Variants in GRM7 observed in about 807,000 individuals in gnomAD.
The protein encoded by GRM7 is metabotropic glutamate receptor 7.
A neutral mutation model predicts 84.5 loss-of-function variants in GRM7; 35 were observed. The ratio of observed to expected loss-of-function variants is 0.41; its 90% confidence interval spans 0.32 to 0.55. The LOEUF is 0.55. Ranked by LOEUF, GRM7 falls within the 20% of genes least tolerant of loss-of-function variation. GRM7 has a pLI of 0.19. For missense variants in GRM7, 1,003 were observed against 1,194.6 expected (o/e 0.84, Z 2.36); for synonymous variants, 487 against 455.1 (o/e 1.07, Z -0.89).
chr3:7,295,706 C>A (rs891883507), intron 2 of GRM7, among the ~76,000 whole-genome samples: 1 of 151,898 alleles, frequency 6.6e-6, no homozygotes, highest in Admixed American at 6.6e-5. Context: ...TATTAAATGG[C>A]GTTGTGTTTC....
intron 9 of GRM7, among the ~76,000 whole-genome samples, chr3:7,733,852 G>A (rs2106528778): frequency 6.6e-6 from 1 of 152,136 alleles, no homozygotes; most frequent in Middle Eastern, 3.4e-3. Context: ...ATATTGCCCT[G>A]CCCTCTTCTT....
rs1203279608 is a variant in GRM7 at position 7,091,898 on chromosome 3, A to G, written c.520-54554A>G. On this transcript the variant is annotated intron_variant, in intron 1 of 9. Transcript: ENST00000357716. ...CAGTTCTTTCCTGAGTGACATTGCA[A>G]TGATCACACTGTAAGGAATCACATG... 2.6e-5 allele frequency among the ~76,000 whole-genome samples: 4 copies of G among 151,444 alleles called. No individual in the cohort carries two copies. In the East Asian group the frequency reaches 7.8e-4, roughly 30 times the overall value.
At chr3:7,252,844 A>G (rs1297708844) in intron 2 of GRM7, among the ~76,000 whole-genome samples, 1 of 150,830 alleles carries the variant, frequency 6.6e-6, no homozygotes, top group East Asian at 1.9e-4. Context: ...GCCCGCCACC[A>G]CACCCAGCTA....
intron 1 of GRM7, among the ~76,000 whole-genome samples, chr3:7,080,633 T>C (rs765519406): frequency 6.6e-6 from 1 of 151,906 alleles, no homozygotes; most frequent in Non-Finnish European, 1.5e-5. Context: ...AGTAGACATA[T>C]ATGTATATAT....
intron 8 of GRM7, among the ~76,000 whole-genome samples, chr3:7,614,657 A>T (rs1324593955): frequency 6.6e-6 from 1 of 152,078 alleles, no homozygotes; most frequent in Non-Finnish European, 1.5e-5. Flanking sequence ...TAATTTGTTC[A>T]TTTTTCTCTT....
At chr3:7,390,000 C>G (rs1694928941) in intron 4 of GRM7, among the ~76,000 whole-genome samples, 1 of 151,964 alleles carries the variant, frequency 6.6e-6, no homozygotes, top group East Asian at 1.9e-4. Context: ...ACTGTTTTTA[C>G]ATTTTCATGT....
intron 7 of GRM7, among the ~76,000 whole-genome samples, chr3:7,476,535 G>A (rs13326482): frequency 0.036 from 5,490 of 152,020 alleles, 329 homozygotes; most frequent in African/African-American, 0.13. Context: ...GACAGTTCGA[G>A]ACTCCACCTC....
chr3:7,692,187 C>T (rs1700831225), intron 9 of GRM7, among the ~76,000 whole-genome samples: 1 of 152,156 alleles, frequency 6.6e-6, no homozygotes, highest in African/African-American at 2.4e-5. Context: ...GGCTATCAGT[C>T]ACTCAGCAAA....
intron 4 of GRM7, among the ~76,000 whole-genome samples, chr3:7,343,669 T>C (rs1692755779): frequency 1.3e-5 from 2 of 152,176 alleles, no homozygotes; most frequent in African/African-American, 2.4e-5. Context: ...CCTTCAGCAA[T>C]GTTTTTTAAC....
chr3:7,689,441 T>C (rs1362974278), intron 9 of GRM7, among the ~76,000 whole-genome samples: 1 of 152,162 alleles, frequency 6.6e-6, no homozygotes, highest in Non-Finnish European at 1.5e-5. Context: ...AAAGAATATA[T>C]GTTATCTGAC....
intron 1 of GRM7, among the ~76,000 whole-genome samples, chr3:6,887,083 T>G (rs2124974111): frequency 6.6e-6 from 1 of 152,280 alleles, no homozygotes; most frequent in East Asian, 1.9e-4. Context: ...TGGGGACCTT[T>G]TCACTTTATG....
intron 1 of GRM7, among the ~76,000 whole-genome samples, chr3:7,041,840 T>A (rs1696628625): frequency 6.6e-6 from 1 of 152,184 alleles, no homozygotes; most frequent in African/African-American, 2.4e-5. Flanking sequence ...CAGGTGGAAT[T>A]TTAAGCCCCT....
At chr3:7,485,739 G>C (rs1039651195) in intron 7 of GRM7, among the ~76,000 whole-genome samples, 1 of 152,074 alleles carries the variant, frequency 6.6e-6, no homozygotes, top group African/African-American at 2.4e-5. Context: ...CTTAATTTTT[G>C]CTTTTACAGA....
At position 6,957,555 on chromosome 3, in the gene GRM7, T is replaced by A. The variant is rs147415489; in HGVS notation, c.519+95648T>A. On this transcript the variant is annotated intron_variant, in intron 1 of 9. Transcript: ENST00000357716. Reference sequence around the variant, plus strand: ...ACTGTATTTCACCTTCGTGTAGGTTTGTTTTACTGGTTTCTGCATATGTCC... The same window carrying A: ...ACTGTATTTCACCTTCGTGTAGGTTAGTTTTACTGGTTTCTGCATATGTCC... Among the ~76,000 whole-genome samples, 20 of 152,298 alleles carry A rather than the reference T, an allele frequency of 1.3e-4. No individual in the cohort carries two copies. The East Asian group carries it at 3.9e-3, about 29-fold the overall frequency.
chr3:6,951,097 G>T (rs1336211146), intron 1 of GRM7, among the ~76,000 whole-genome samples: 1 of 152,164 alleles, frequency 6.6e-6, no homozygotes, highest in Non-Finnish European at 1.5e-5. Flanking sequence ...CAGTACCTCA[G>T]TTGTAAATGC....
intron 4 of GRM7, among the ~76,000 whole-genome samples, chr3:7,362,751 G>A (rs1559266954): frequency 6.6e-6 from 1 of 152,112 alleles, no homozygotes; most frequent in Admixed American, 6.6e-5. Context: ...GTGAAGAGGT[G>A]TTAATTCAGA....
At chr3:7,407,676 A>T (rs781570548) in intron 4 of GRM7, among the ~76,000 whole-genome samples, 1 of 152,236 alleles carries the variant, frequency 6.6e-6, no homozygotes, top group Non-Finnish European at 1.5e-5. Context: ...AATGAATGAA[A>T]TAATAAGCAA....
At chr3:7,298,968 C>T (rs1016431776) in intron 3 of GRM7, 143 bp downstream of exon 3, 1 of 697,178 alleles carries the variant, frequency 1.4e-6, no homozygotes, top group Non-Finnish European at 2.5e-6. Context: ...TTGCCTCTAC[C>T]CAACACATAC....
intron 4 of GRM7, among the ~76,000 whole-genome samples, chr3:7,311,596 C>T (rs1235097566): frequency 9.9e-6 from 1 of 101,084 alleles, no homozygotes; most frequent in East Asian, 2.5e-4. Flanking sequence ...TGTTTCAATA[C>T]ATTTTTTTTT....
Sources: gnomAD v4.1 joint callset for allele counts (sites outside exome capture counted in the v4.1 genomes callset) on GRCh38, gnomAD v4.1.1 for gene constraint, MANE v1.5 for transcripts, NCBI Gene and HGNC (gene_info 2026-07-23, HGNC 2026-07-21) for gene names.